ZC3H11A: variants seen among roughly 807,000 people sequenced by gnomAD.
ZC3H11A encodes the protein zinc finger CCCH domain-containing protein 11A.
Under a neutral mutation model 90.8 loss-of-function variants are expected in ZC3H11A, and 22 were observed. That is an observed-to-expected ratio of 0.24 (90% confidence interval 0.17 to 0.35). ZC3H11A has a LOEUF of 0.35. Ranked by LOEUF, ZC3H11A falls within the 10% of genes least tolerant of loss-of-function variation. The pLI, the probability that ZC3H11A is intolerant of heterozygous loss-of-function variation, is 1.00. For synonymous variants in ZC3H11A, 294 were observed against 339.8 expected (o/e 0.87, Z 1.48); for missense variants, 701 against 964.9 (o/e 0.73, Z 3.62).
chr1:203,832,242 G>T (rs1354263763), intron 9 of ZC3H11A, among the ~76,000 whole-genome samples: 1 of 152,044 alleles, frequency 6.6e-6, no homozygotes, highest in Non-Finnish European at 1.5e-5. Context: ...TGTATTTTTA[G>T]TAGAGACGGG....
chr1:203,799,480 A>G (rs1284884060), intron 1 of ZC3H11A: 5 of 703,016 alleles, frequency 7.1e-6, no homozygotes, highest in South Asian at 4.4e-5. Flanking sequence ...TCTACTTTTT[A>G]TATGTTAAAA....
At chr1:203,830,431 A>G (rs1681873215) in intron 8 of ZC3H11A, among the ~76,000 whole-genome samples, 1 of 152,232 alleles carries the variant, frequency 6.6e-6, no homozygotes, top group South Asian at 2.1e-4. Flanking sequence ...AAGAACTTGT[A>G]TATCTTGAAA....
In ZC3H11A at chr1:203,849,923, T is replaced by C; in HGVS notation, c.1836T>C (p.Leu612=). ...PGITRHLTKR[L]PTKSSQKVEV... ...TCACACGGCACCTGACCAAGCGGCT[T>C]CCCACAAAGTCATCCCAGAAGGTGG... The change falls in exon 15 of 18, where the codon CTT becomes CTC. Residue 612 remains leucine (L), a synonymous_variant. Transcript: ENST00000367210. The C allele has an allele frequency of 6.2e-7, 1 of 1,614,068 alleles. No individual in the cohort carries two copies. The highest frequency in any genetic ancestry group is 8.5e-7 in the Non-Finnish European group (1 of 1,180,014).
In ZC3H11A at chr1:203,840,273, A is replaced by G. The variant is rs200227258; in HGVS notation, c.974-33A>G. 1.3e-4 allele frequency: 211 copies of G among 1,607,068 alleles called. No individual in the cohort carries two copies. In the African/African-American group the frequency reaches 1.9e-3, roughly 14 times the overall value. On this transcript the variant is annotated intron_variant, in intron 11 of 17. Coordinates refer to ENST00000367210, the MANE Select transcript of ZC3H11A (RefSeq NM_001376342.1). ...TTAAGCTGTAAAAAGTTTCTGTTCAACTTTTGATTTTTGAAAATCTTTCTT... is the reference window on the plus strand; with the variant it reads ...TTAAGCTGTAAAAAGTTTCTGTTCAGCTTTTGATTTTTGAAAATCTTTCTT...
chr1:203,810,706 A>G (rs1347401644), intron 2 of ZC3H11A, among the ~76,000 whole-genome samples: 1 of 152,118 alleles, frequency 6.6e-6, no homozygotes, highest in Admixed American at 6.5e-5. Flanking sequence ...GGCGTGAGCC[A>G]CCGCGCCCGG....
At chr1:203,847,115 T>C (rs1688122263) in intron 12 of ZC3H11A, 69 bp from the exon 13 acceptor site, 1 of 1,543,372 alleles carries the variant, frequency 6.5e-7, no homozygotes, top group Non-Finnish European at 8.8e-7. Flanking sequence ...GATCCAAGAA[T>C]AGAGAGATCA....
In ZC3H11A at chr1:203,824,350, G is replaced by A. The variant is rs144167393; in HGVS notation, c.175-3949G>A. On this transcript the variant is annotated intron_variant, in intron 4 of 17. Coordinates refer to ENST00000367210, the MANE Select transcript of ZC3H11A (RefSeq NM_001376342.1). The stretch of plus-strand genomic sequence containing the variant: ...ATATGAATTTTAAAAATCTCTGGAA[G>A]TATAAAGGTGAAACTTAACAACAGT... Among the ~76,000 whole-genome samples, 43 of 151,976 alleles carry A rather than the reference G, an allele frequency of 2.8e-4. No individual in the cohort carries two copies. The East Asian group carries it at 6.6e-3, about 23-fold the overall frequency.
chr1:203,812,521 C>A (rs181294357), intron 2 of ZC3H11A, among the ~76,000 whole-genome samples: 1 of 150,256 alleles, frequency 6.7e-6, no homozygotes, highest in East Asian at 1.9e-4. Flanking sequence ...TGTCTTGTTG[C>A]TTCCCATCCT....
intron 4 of ZC3H11A, 109 bp from the exon 5 acceptor site, chr1:203,828,190 A>T (rs1170810647): frequency 7.6e-7 from 1 of 1,309,314 alleles, no homozygotes; most frequent in East Asian, 2.5e-5. Flanking sequence ...CTCATCTCAC[A>T]TGCCTCGGAT....
intron 4 of ZC3H11A, among the ~76,000 whole-genome samples, chr1:203,821,859 A>G (rs979816042): frequency 2.0e-5 from 3 of 151,268 alleles, no homozygotes; most frequent in Non-Finnish European, 4.4e-5. Flanking sequence ...ATTGGTTCAC[A>G]CCATTCTCCT....
At chr1:203,831,862 A>G (rs1682494516) in intron 9 of ZC3H11A, 91 bp downstream of exon 9, 2 of 1,037,102 alleles carry the variant, frequency 1.9e-6, no homozygotes, top group Admixed American at 5.0e-5. Flanking sequence ...CCTTTGATGA[A>G]TTTTCAGGAA....
chr1:203,810,165 ATGAGG>A (rs1673885550), intron 2 of ZC3H11A, among the ~76,000 whole-genome samples: 1 of 150,720 alleles, frequency 6.6e-6, no homozygotes, highest in South Asian at 2.1e-4. Flanking sequence ...TTTTTAAGAG[ATGAGG>A]TCTGTCTGTT....
intron 1 of ZC3H11A, chr1:203,797,794 C>T: frequency 6.5e-7 from 1 of 1,536,032 alleles, no homozygotes. Context: ...GATTTGGGAT[C>T]TGGGAGGCCT....
rs576839538 is a variant in ZC3H11A at position 203,827,542 on chromosome 1, T to G, written c.175-757T>G. Among the ~76,000 whole-genome samples, 13 of 151,782 alleles carry G rather than the reference T, an allele frequency of 8.6e-5. No individual in the cohort carries two copies. The South Asian group carries it at 2.7e-3, about 32-fold the overall frequency. ...AAAAATACAAAAAAAATTAGCCGAG[T>G]GTGGTGGCAGGCACCTGTAGTCCCA... On this transcript the variant is annotated intron_variant, in intron 4 of 17. Coordinates refer to ENST00000367210, the MANE Select transcript of ZC3H11A (RefSeq NM_001376342.1).
intron 1 of ZC3H11A, chr1:203,800,457 C>T (rs1670217824): frequency 2.0e-6 from 3 of 1,479,636 alleles, no homozygotes; most frequent in East Asian, 2.5e-5. Context: ...AGAAATACTG[C>T]CTTAATTTCT....
intron 12 of ZC3H11A, among the ~76,000 whole-genome samples, chr1:203,845,375 A>AT (rs993941690): frequency 3.3e-5 from 5 of 152,138 alleles, no homozygotes; most frequent in Admixed American, 6.5e-5. Context: ...AGAATTTGTG[A>AT]TTTTTTATTA....
At position 203,809,301 on chromosome 1, in the gene ZC3H11A, G is replaced by A. The variant is rs544588846; in HGVS notation, c.-146+6285G>A. 4.1e-5 allele frequency among the ~76,000 whole-genome samples: 6 copies of A among 145,036 alleles called. No individual in the cohort carries two copies. In the South Asian group the frequency reaches 1.4e-3, roughly 33 times the overall value. ...AGCGATTCTTCTGCCTCAGCCTCCC[G>A]AGTAACTGGGACAACAGGCGCACAC... On this transcript the variant is annotated intron_variant, in intron 2 of 17. Coordinates refer to ENST00000367210, the MANE Select transcript of ZC3H11A (RefSeq NM_001376342.1).
At chr1:203,836,378 A>G (rs1309812210) in intron 10 of ZC3H11A, among the ~76,000 whole-genome samples, 1 of 152,218 alleles carries the variant, frequency 6.6e-6, no homozygotes, top group African/African-American at 2.4e-5. Context: ...CTTGCAAACA[A>G]TGTAACTTCA....
chr1:203,846,202 A>G (rs987867073), intron 12 of ZC3H11A, among the ~76,000 whole-genome samples: 5 of 150,260 alleles, frequency 3.3e-5, no homozygotes, highest in Non-Finnish European at 5.9e-5. Context: ...GTGATTACAT[A>G]TATATGTGTA....
Sources: gnomAD v4.1 joint callset for allele counts (sites outside exome capture counted in the v4.1 genomes callset) on GRCh38, gnomAD v4.1.1 for gene constraint, MANE v1.5 for transcripts, NCBI Gene and HGNC (gene_info 2026-07-23, HGNC 2026-07-21) for gene names.